FAM186A: variants seen among roughly 807,000 people sequenced by gnomAD.
FAM186A encodes the protein family with sequence similarity 186 member A.
A neutral mutation model predicts 216.8 loss-of-function variants in FAM186A; 163 were observed. The ratio of observed to expected loss-of-function variants is 0.75; its 90% CI spans 0.66 to 0.86. FAM186A has a LOEUF of 0.86. Among genes scored for constraint, FAM186A ranks in the 40% least tolerant of loss-of-function variants. The pLI is 0.00. For missense variants in FAM186A, 2,184 were observed against 2,746.2 expected, an observed-to-expected ratio of 0.80 and a Z score of 4.58; for synonymous variants, 805 against 1,025.3, an observed-to-expected ratio of 0.79 and a Z score of 4.10.
At chr12:50,358,610 A>G (rs952018354) in intron 3 of FAM186A, among the ~76,000 whole-genome samples, 12 of 151,492 alleles carry the variant, frequency 7.9e-5, no homozygotes, top group Admixed American at 2.6e-4. Context: ...ACAAAAACCT[A>G]TATCCAGAAG....
chr12:50,346,760 T>C (rs1021614197), intron 4 of FAM186A, among the ~76,000 whole-genome samples: 2 of 151,992 alleles, frequency 1.3e-5, no homozygotes, highest in Non-Finnish European at 2.9e-5. Context: ...GGCAGGAGAA[T>C]GGCGTGAATG....
chr12:50,354,883 G>A lies in FAM186A; in HGVS notation c.1949C>T (p.Thr650Ile). ...VKSLSRVAKE[T>I]SESTRVLESP... ...TTCTAGAACTCTGGTAGATTCTGAA[G>A]TCTCTTTAGCCACTCTTGAGAGTGA... Residue 650 changes from threonine (T) to isoleucine (I), a missense_variant, in exon 4 of 8, where the codon ACT (threonine) becomes ATT (isoleucine). Transcript: ENST00000327337. 6.5e-7 allele frequency: 1 copy of A among 1,550,266 alleles called. No individual in the cohort carries two copies. Among genetic ancestry groups the A allele is most frequent in the Non-Finnish European group, 8.7e-7 (1 of 1,146,820 alleles).
intron 1 of FAM186A, among the ~76,000 whole-genome samples, chr12:50,367,001 G>T (rs1943095861): frequency 6.6e-6 from 1 of 151,936 alleles, no homozygotes; most frequent in South Asian, 2.1e-4. Flanking sequence ...GTGACAGAGT[G>T]AGCCCCGGTC....
intron 1 of FAM186A, among the ~76,000 whole-genome samples, chr12:50,380,102 C>T (rs1000630284): frequency 6.6e-6 from 1 of 152,138 alleles, no homozygotes; most frequent in Non-Finnish European, 1.5e-5. Context: ...ACTGTTAAAA[C>T]CAACCTGTAT....
At chr12:50,349,296 C>T (rs1942852119) in intron 4 of FAM186A, among the ~76,000 whole-genome samples, 1 of 150,124 alleles carries the variant, frequency 6.7e-6, no homozygotes, top group South Asian at 2.1e-4. Flanking sequence ...ACTGCAGTCT[C>T]AACCTCCTGG....
intron 5 of FAM186A, 128 bp from the exon 6 acceptor site, chr12:50,331,949 T>A: frequency 1.3e-6 from 1 of 746,488 alleles, no homozygotes; most frequent in Non-Finnish European, 2.1e-6. Flanking sequence ...ATCCTCTCCC[T>A]ACTCCACCCA....
At chr12:50,379,645 G>C (rs1167942890) in intron 1 of FAM186A, among the ~76,000 whole-genome samples, 3 of 150,628 alleles carry the variant, frequency 2.0e-5, no homozygotes, top group Non-Finnish European at 4.4e-5. Flanking sequence ...AAGTAGCCGG[G>C]CGTAGTGGAG....
At chr12:50,362,253 G>A (rs10783353) in intron 2 of FAM186A, among the ~76,000 whole-genome samples, 1 of 151,810 alleles carries the variant, frequency 6.6e-6, no homozygotes, top group Admixed American at 6.6e-5. Flanking sequence ...GATTACAGGC[G>A]TGAGCCACCG....
At chr12:50,367,032 A>G (rs1355673500) in intron 1 of FAM186A, among the ~76,000 whole-genome samples, 1 of 152,030 alleles carries the variant, frequency 6.6e-6, no homozygotes, top group Non-Finnish European at 1.5e-5. Context: ...CAAAAAACAT[A>G]TACAAAAGAA....
chr12:50,371,772 T>C (rs1943144107), intron 1 of FAM186A, among the ~76,000 whole-genome samples: 1 of 152,196 alleles, frequency 6.6e-6, no homozygotes, highest in Non-Finnish European at 1.5e-5. Flanking sequence ...ACTATATACT[T>C]AAAAATAATT....
In FAM186A at chr12:50,355,978, T is replaced by C. The variant is rs1270733956; in HGVS notation, c.854A>G (p.Gln285Arg). The stretch of plus-strand genomic sequence containing the variant: ...CTCATGTGCATACACAGTGGAACTT[T>C]GGAAGTTAACACATTTTAATTCATC... ...LNDELKCVNF[Q>R]SSTVYAHETS... The change falls in exon 4 of 8, where the codon CAA (glutamine) becomes CGA (arginine). Residue 285 changes from glutamine to arginine, a missense_variant. Around this residue, in one of 7 missense-constraint regions of FAM186A, gnomAD observed 1,132 missense variants for 1,263.4 expected, o/e 0.90. Coordinates refer to ENST00000327337, the MANE Select transcript of FAM186A (RefSeq NM_001145475.3). 12 of 1,551,630 alleles carry C rather than the reference T, an allele frequency of 7.7e-6. No individual in the cohort carries two copies. Among genetic ancestry groups the C allele is most frequent in the Admixed American group, 2.0e-5 (1 of 50,998 alleles).
intron 1 of FAM186A, among the ~76,000 whole-genome samples, chr12:50,382,480 A>G (rs981345019): frequency 6.6e-6 from 1 of 152,086 alleles, no homozygotes; most frequent in African/African-American, 2.4e-5. Context: ...TGAGCAGATC[A>G]CTTGAGGCCA....
chr12:50,344,155 A>G (rs190592687), intron 4 of FAM186A, among the ~76,000 whole-genome samples: 41 of 151,600 alleles, frequency 2.7e-4, no homozygotes, highest in Non-Finnish European at 5.0e-4. Flanking sequence ...GTACATATGC[A>G]GGTTTGTTAC....
chr12:50,339,528 C>T (rs1195586022), intron 4 of FAM186A, among the ~76,000 whole-genome samples: 1 of 152,130 alleles, frequency 6.6e-6, no homozygotes, highest in Non-Finnish European at 1.5e-5. Context: ...ATGAGCTTTA[C>T]TCTTCTTAAA....
Position 50,356,665 on chromosome 12 carries a change from A to T in FAM186A, c.584-417T>A, listed in dbSNP as rs557748711. On this transcript the variant is annotated intron_variant, in intron 3 of 7. Transcript: ENST00000327337. ...AGGACATGAACTCAGCTGTGACCTC[A>T]ACTTAATTTTAGTTACAAGTTTGGG... Among the ~76,000 whole-genome samples, 3 of 152,220 alleles carry T rather than the reference A, an allele frequency of 2.0e-5. No homozygotes were observed. In the East Asian group the frequency reaches 5.8e-4, roughly 29 times the overall value.
At chr12:50,330,907 G>C in intron 6 of FAM186A, 149 bp from the exon 7 acceptor site, 1 of 621,160 alleles carries the variant, frequency 1.6e-6, no homozygotes, top group South Asian at 3.3e-5. Flanking sequence ...CACTTTGACA[G>C]AGAGATGGAT....
Position 50,394,827 on chromosome 12 carries a change from A to G in FAM186A, c.192+1466T>C, listed in dbSNP as rs11169414. On this transcript the variant is annotated intron_variant, in intron 1 of 7. Coordinates refer to ENST00000327337, the MANE Select transcript of FAM186A (RefSeq NM_001145475.3). The stretch of plus-strand genomic sequence containing the variant: ...ACAATCTATAGCTCACTGTAACCTC[A>G]AATTCCTGGTCTCAAGGGACCTTCC... 3.4e-3 allele frequency among the ~76,000 whole-genome samples: 485 copies of G among 143,152 alleles called. 5 individuals carry two copies. Among genetic ancestry groups the G allele is most frequent in the African/African-American group, 0.011 (404 of 38,108 alleles). 93.9% of individuals were successfully genotyped at this position (143,152 alleles called of 152,430 possible).
rs1942934194 is a variant in FAM186A, at chr12:50,353,508, C to T, written c.3324G>A (p.Gly1108=). 6.5e-7 allele frequency: 1 copy of T among 1,538,794 alleles called. No homozygotes were observed. The highest frequency in any genetic ancestry group is 2.0e-5 in the Admixed American group (1 of 49,860). ...GGGCCTGCTGAGGGGTGAGAGGGAT[C>T]CCTAGTTCCTGGGCCTGCTGAAGGG... ...TLTLQQAQEL[G]IPLTPQQAQA... The change falls in exon 4 of 8, where the codon GGG becomes GGA. Residue 1108 remains glycine, a synonymous_variant. Coordinates refer to ENST00000327337, the MANE Select transcript of FAM186A (RefSeq NM_001145475.3).
chr12:50,348,511 C>T (rs1209040611), intron 4 of FAM186A, among the ~76,000 whole-genome samples: 1 of 152,056 alleles, frequency 6.6e-6, no homozygotes, highest in African/African-American at 2.4e-5. Flanking sequence ...GCATGAGCCA[C>T]TGCACCCTGC....
Sources: gnomAD v4.1 joint callset for allele counts (sites outside exome capture counted in the v4.1 genomes callset) on GRCh38, gnomAD v4.1.1 for gene constraint, gnomAD v4.1.1 regional missense constraint, MANE v1.5 for transcripts, NCBI Gene and HGNC (gene_info 2026-07-23, HGNC 2026-07-21) for gene names.